The following PPP2R5D variants were observed in gnomAD, a reference collection of about 807,000 sequenced individuals.
PPP2R5D encodes the protein protein phosphatase 2 regulatory subunit B'delta, also known as serine/threonine-protein phosphatase 2A 56 kDa regulatory subunit delta isoform.
In PPP2R5D, 12 loss-of-function variants were observed where a neutral mutation model predicts 79.1. The observed-to-expected ratio is 0.15, with a 90% CI of 0.10 to 0.25. The LOEUF (loss-of-function observed/expected upper bound fraction) is 0.25, where lower values mean the gene tolerates loss of function less well. Among genes scored for constraint, PPP2R5D ranks in the 10% least tolerant of loss-of-function variants. PPP2R5D has a pLI of 1.00. For missense variants in PPP2R5D, 419 were observed against 760.2 expected (o/e 0.55, Z 5.28); for synonymous variants, 277 against 286.6 (o/e 0.97, Z 0.34).
At chr6:42,985,927 G>A (rs552720003) in intron 1 of PPP2R5D, among the ~76,000 whole-genome samples, 4 of 152,006 alleles carry the variant, frequency 2.6e-5, no homozygotes, top group South Asian at 2.1e-4. Context: ...ACAGGCATGC[G>A]CCACCACATC....
chr6:43,002,663 C>A, intron 2 of PPP2R5D, among the ~76,000 whole-genome samples: 1 of 152,102 alleles, frequency 6.6e-6, no homozygotes, highest in East Asian at 1.9e-4. Context: ...ACAGGCTGGA[C>A]CCGGTGCTCC....
intron 2 of PPP2R5D, among the ~76,000 whole-genome samples, chr6:42,996,254 G>C (rs1204826140): frequency 1.3e-5 from 2 of 150,514 alleles, no homozygotes; most frequent in Non-Finnish European, 3.0e-5. Flanking sequence ...CACGAGGTCA[G>C]GAGATTGAGA....
In PPP2R5D at chr6:43,010,190, G is replaced by C. The variant is rs1201723271; in HGVS notation, c.1380-278G>C. Among the ~76,000 whole-genome samples, 2 of 152,178 alleles carry C rather than the reference G, an allele frequency of 1.3e-5. No individual in the cohort carries two copies. Among genetic ancestry groups the C allele is most frequent in the Non-Finnish European group, 2.9e-5 (2 of 68,024 alleles). ...ATGCTGCTGGGAGGCCATTAGTGTG[G>C]GTTAGAGTGGGAAAGGATGGGAGGT... is the stretch of plus-strand genomic sequence containing the variant. On this transcript the variant is annotated intron_variant, in intron 12 of 15. Coordinates refer to ENST00000485511, the MANE Select transcript of PPP2R5D (RefSeq NM_006245.4). This position sits in a 1 kb window ranked among gnomAD's most constrained non-coding sequence, Gnocchi z 4.7.
chr6:42,989,472 C>T lies in PPP2R5D; in HGVS notation c.28-139C>T, dbSNP rs1263375374. The T allele has an allele frequency of 9.8e-6, 7 of 713,400 alleles. No homozygotes were observed. In the Admixed American group the frequency reaches 1.3e-4, roughly 13 times the overall value. 44.2% of individuals were successfully genotyped at this position (713,400 alleles called of 1,614,324 possible). Reference sequence around the variant, plus strand: ...CTTCTGCGTAGATCCCTCCACCCACCCCAGCTCCGCACAAGGTAGATTCTA... The same window carrying T: ...CTTCTGCGTAGATCCCTCCACCCACTCCAGCTCCGCACAAGGTAGATTCTA... On this transcript the variant is annotated intron_variant, in intron 1 of 15. Transcript: ENST00000485511.
intron 2 of PPP2R5D, among the ~76,000 whole-genome samples, chr6:42,996,781 A>C (rs1156487312): frequency 2.0e-5 from 3 of 152,260 alleles, no homozygotes; most frequent in Admixed American, 6.5e-5. Context: ...GAAGGAAAGA[A>C]TTAAGCAACA....
chr6:43,011,993 C>G lies in PPP2R5D; in HGVS notation c.*707C>G, dbSNP rs745375565. 4.9e-5 allele frequency: 8 copies of G among 164,826 alleles called. No individual in the cohort carries two copies. Among genetic ancestry groups the G allele is most frequent in the Non-Finnish European group, 1.0e-4 (8 of 78,816 alleles). 10.2% of individuals were successfully genotyped at this position (164,826 alleles called of 1,614,324 possible). A position where few individuals can be genotyped will look rare whatever the true frequency, so the allele number is the denominator to read the frequency against. ...CTTTGGTGAGCAGCAGCCCTGGGGTCACAGACATGGAAGGGACCACCCTGG... is the reference window on the plus strand; with the variant it reads ...CTTTGGTGAGCAGCAGCCCTGGGGTGACAGACATGGAAGGGACCACCCTGG... On this transcript the variant is annotated 3_prime_UTR_variant, in exon 16 of 16. Transcript: ENST00000485511.
chr6:43,005,873 C>T (rs9471991), intron 2 of PPP2R5D, among the ~76,000 whole-genome samples: 17,808 of 152,058 alleles, frequency 0.12, 1,607 homozygotes, highest in African/African-American at 0.23. Flanking sequence ...CTGCCCTCCT[C>T]GGCCTCCCAA....
rs1431455610 is a variant in PPP2R5D at position 43,011,345 on chromosome 6, C to A, written c.*59C>A. 6.2e-7 allele frequency: 1 copy of A among 1,602,894 alleles called. No homozygotes were observed. The highest frequency in any genetic ancestry group is 1.3e-5 in the African/African-American group (1 of 74,660). Reference sequence around the variant, plus strand: ...CACAGCCCTGGGACACTGCCCTGGCCCTCCATACTCTGCTCCCTACTGGCT... The same window carrying A: ...CACAGCCCTGGGACACTGCCCTGGCACTCCATACTCTGCTCCCTACTGGCT... On this transcript the variant is annotated 3_prime_UTR_variant, in exon 16 of 16. Coordinates refer to ENST00000485511, the MANE Select transcript of PPP2R5D (RefSeq NM_006245.4).
Position 43,007,888 on chromosome 6 carries a change from C to T in PPP2R5D, c.727-47C>T, listed in dbSNP as rs1243817472. On this transcript the variant is annotated intron_variant, in intron 6 of 15. Transcript: ENST00000485511. The surrounding 1 kb of genome is among the most constrained non-coding windows in gnomAD (Gnocchi z 4.5). ...CCTATGTCACCCTGGCCACTGCCTT[C>T]CCTGGCTGCTGCCTCACTGGCTGCT... 1 of 1,610,156 alleles carries T rather than the reference C, an allele frequency of 6.2e-7. No individual in the cohort carries two copies. The highest frequency in any genetic ancestry group is 1.3e-5 in the African/African-American group (1 of 74,818).
In PPP2R5D at chr6:43,006,361, T is replaced by C. The variant is rs1762077314; in HGVS notation, c.106-102T>C. The C allele has an allele frequency of 1.1e-5, 16 of 1,485,574 alleles. No individual in the cohort carries two copies. The Middle Eastern group carries it at 7.4e-4, about 69-fold the overall frequency. The allele number at this position is 1,485,574 out of a possible 1,614,324, so 92.0% of individuals were successfully genotyped here. A position where few individuals can be genotyped will look rare whatever the true frequency, so the allele number is the denominator to read the frequency against. On this transcript the variant is annotated intron_variant, in intron 2 of 15. Transcript: ENST00000485511. The surrounding 1 kb of genome is among the most constrained non-coding windows in gnomAD (Gnocchi z 4.7). ...TTCGGGGCAGGAGACAGCTGCTCAC[T>C]GCCCAGGCCTGTGCAGGCATAAACA...
rs1162144347 is a variant in PPP2R5D at position 42,999,323 on chromosome 6, C to CG, written c.106-7140_106-7139insG. Among the ~76,000 whole-genome samples the CG allele has an allele frequency of 1.3e-5, 2 of 152,186 alleles. 1 individual carries two copies. Reference sequence around the variant, plus strand: ...AAGGGTGAATAGACAGCGGATACCTCATTGGGGCTTGGCAGCCAGGGGCTT... The same window carrying CG: ...AAGGGTGAATAGACAGCGGATACCTCGATTGGGGCTTGGCAGCCAGGGGCTT... On this transcript the variant is annotated intron_variant, in intron 2 of 15. Coordinates refer to ENST00000485511, the MANE Select transcript of PPP2R5D (RefSeq NM_006245.4).
intron 2 of PPP2R5D, among the ~76,000 whole-genome samples, chr6:42,999,896 C>T (rs1430245166): frequency 6.6e-6 from 1 of 151,964 alleles, no homozygotes; most frequent in South Asian, 2.1e-4. Flanking sequence ...TCTCTCTAAA[C>T]CTTACCGGAA....
chr6:42,988,548 T>G (rs769101583), intron 1 of PPP2R5D, among the ~76,000 whole-genome samples: 3 of 152,238 alleles, frequency 2.0e-5, no homozygotes, highest in Non-Finnish European at 2.9e-5. Flanking sequence ...AGATCCATCT[T>G]GCTTCTCCAT....
At chr6:42,996,322 G>A (rs1423282702) in intron 2 of PPP2R5D, among the ~76,000 whole-genome samples, 3 of 151,132 alleles carry the variant, frequency 2.0e-5, no homozygotes, top group Non-Finnish European at 3.0e-5. Context: ...AAAATTAGCC[G>A]GGCGTGGTGG....
chr6:43,006,745 G>C lies in PPP2R5D; in HGVS notation c.322+66G>C. 1.3e-6 allele frequency: 2 copies of C among 1,587,192 alleles called. No homozygotes were observed. Among genetic ancestry groups the C allele is most frequent in the Admixed American group, 3.4e-5 (2 of 58,416 alleles). Reference sequence around the variant, plus strand: ...AGTGGGCATCGGGAGTTGGTGGAATGGAAGTTTTGGGGTATTTTGCGGGGA... The same window carrying C: ...AGTGGGCATCGGGAGTTGGTGGAATCGAAGTTTTGGGGTATTTTGCGGGGA... On this transcript the variant is annotated intron_variant, in intron 3 of 15. Coordinates refer to ENST00000485511, the MANE Select transcript of PPP2R5D (RefSeq NM_006245.4). This position sits in a 1 kb window ranked among gnomAD's most constrained non-coding sequence, Gnocchi z 4.7.
rs1200764937 is a variant in PPP2R5D, at chr6:42,992,808, C to T, written c.105+3120C>T. On this transcript the variant is annotated intron_variant, in intron 2 of 15. Coordinates refer to ENST00000485511, the MANE Select transcript of PPP2R5D (RefSeq NM_006245.4). ...CTGCACTCCAGCCTGGGTGACAGAA[C>T]GAGACCTTGTCTCAAGAAAACAAAA... is the stretch of plus-strand genomic sequence containing the variant. Among the ~76,000 whole-genome samples the T allele has an allele frequency of 5.9e-5, 9 of 151,870 alleles. No individual in the cohort carries two copies. The South Asian group carries it at 1.0e-3, about 18-fold the overall frequency.
At chr6:42,984,869 T>C (rs1281297244) in intron 1 of PPP2R5D, among the ~76,000 whole-genome samples, 165 bp downstream of exon 1, 9 of 150,938 alleles carry the variant, frequency 6.0e-5, no homozygotes, top group African/African-American at 2.0e-4. Context: ...ACCCCCAGCT[T>C]GTGCCGCAGC....
chr6:43,012,127 C>T lies in PPP2R5D; in HGVS notation c.*841C>T. 1 of 849,832 alleles carries T rather than the reference C, an allele frequency of 1.2e-6. No homozygotes were observed. The highest frequency in any genetic ancestry group is 1.4e-6 in the Non-Finnish European group (1 of 695,458). 52.6% of individuals were successfully genotyped at this position (849,832 alleles called of 1,614,324 possible). ...ACACCTATTTATTTCCTTGTTTGTG[C>T]TATGCTGGGCAGGCCTTCTCTTGTC... On this transcript the variant is annotated 3_prime_UTR_variant, in exon 16 of 16. Coordinates refer to ENST00000485511, the MANE Select transcript of PPP2R5D (RefSeq NM_006245.4).
Position 43,009,712 on chromosome 6 carries a change from A to G in PPP2R5D, c.1379+263A>G, listed in dbSNP as rs924557037. On this transcript the variant is annotated intron_variant, in intron 12 of 15. Coordinates refer to ENST00000485511, the MANE Select transcript of PPP2R5D (RefSeq NM_006245.4). The surrounding 1 kb of genome is among the most constrained non-coding windows in gnomAD (Gnocchi z 5.6). Reference sequence around the variant, plus strand: ...TCTACAGGTCCTATCACAGCTTTGGAGATGTAATTCTATGCAGTGAGAAGC... The same window carrying G: ...TCTACAGGTCCTATCACAGCTTTGGGGATGTAATTCTATGCAGTGAGAAGC... Among the ~76,000 whole-genome samples the G allele has an allele frequency of 1.3e-5, 2 of 152,144 alleles. No homozygotes were observed. Among genetic ancestry groups the G allele is most frequent in the African/African-American group, 4.8e-5 (2 of 41,438 alleles).
Sources: gnomAD v4.1 joint callset for allele counts (sites outside exome capture counted in the v4.1 genomes callset) on GRCh38, gnomAD v4.1.1 for gene constraint, Gnocchi (gnomAD v3.1) non-coding constraint, MANE v1.5 for transcripts, NCBI Gene and HGNC (gene_info 2026-07-23, HGNC 2026-07-21) for gene names.